ESCO2: variants seen among roughly 807,000 people sequenced by gnomAD.
ESCO2 encodes establishment of sister chromatid cohesion N-acetyltransferase 2.
Under a neutral mutation model 61.7 loss-of-function variants are expected in ESCO2, and 51 were observed. That is an observed-to-expected ratio of 0.83 (90% CI 0.66 to 1.04). ESCO2 has a LOEUF of 1.04. Among genes scored for constraint, ESCO2 ranks in the 50% least tolerant of loss-of-function variants. ESCO2 has a pLI of 0.00. For missense variants in ESCO2, 692 were observed against 686.2 expected (o/e 1.01, Z -0.09); for synonymous variants, 230 against 238.2 (o/e 0.97, Z 0.32).
chr8:27,794,935 T>A (rs1016203393), intron 9 of ESCO2, among the ~76,000 whole-genome samples: 10 of 152,202 alleles, frequency 6.6e-5, no homozygotes, highest in African/African-American at 2.4e-4. Context: ...GCTGCTGTGT[T>A]TTTTAATGCC....
intron 10 of ESCO2, among the ~76,000 whole-genome samples, chr8:27,800,027 A>G (rs992027965): frequency 2.1e-4 from 32 of 152,142 alleles, no homozygotes; most frequent in Non-Finnish European, 4.4e-5. Flanking sequence ...AGAAAAAACA[A>G]AACTACAATC....
At chr8:27,772,484 G>A, upstream of ESCO2, 1 of 1,549,134 alleles carries the variant, frequency 6.5e-7, no homozygotes, top group African/African-American at 1.4e-5. Flanking sequence ...CTGTCCAGCA[G>A]GGTCCAGGAG....
intron 7 of ESCO2, 68 bp downstream of exon 7, chr8:27,789,046 A>G: frequency 1.9e-6 from 3 of 1,588,382 alleles, no homozygotes; most frequent in East Asian, 2.3e-5. Flanking sequence ...CTTTTCCACC[A>G]CCTCTACCAC....
intron 2 of ESCO2, 144 bp from the exon 3 acceptor site, chr8:27,776,218 C>T: frequency 1.5e-6 from 1 of 647,254 alleles, no homozygotes; most frequent in South Asian, 2.0e-5. Context: ...GAGAATCCTA[C>T]TGTTAAACTA....
intron 10 of ESCO2, among the ~76,000 whole-genome samples, chr8:27,800,718 A>T (rs1447427412): frequency 6.6e-6 from 1 of 152,274 alleles, no homozygotes; most frequent in Non-Finnish European, 1.5e-5. Flanking sequence ...ATTAATGGAT[A>T]AATGTGATAT....
Position 27,776,535 on chromosome 8 carries a change from C to T in ESCO2, c.227C>T (p.Pro76Leu). Residue 76 changes from proline to leucine, a missense_variant, in exon 3 of 11, where the codon CCA (proline) becomes CTA (leucine). By Grantham distance (98) the Pro-to-Leu change is moderately conservative. Coordinates refer to ENST00000305188, the MANE Select transcript of ESCO2 (RefSeq NM_001017420.3). ...NRLPSANQGSPFKSALSTVSF... is the reference protein window; with the variant it reads ...NRLPSANQGSLFKSALSTVSF... ...CTGCCATCAGCAAATCAAGGCTCAC[C>T]ATTTAAATCTGCGCTCTCCACTGTA... is the stretch of plus-strand genomic sequence containing the variant. The T allele has an allele frequency of 1.2e-6, 2 of 1,614,094 alleles. No homozygotes were observed. Among genetic ancestry groups the T allele is most frequent in the Non-Finnish European group, 1.7e-6 (2 of 1,180,010 alleles).
intron 9 of ESCO2, 60 bp from the exon 10 acceptor site, chr8:27,799,481 T>G (rs1805375281): frequency 6.4e-7 from 1 of 1,563,622 alleles, no homozygotes; most frequent in South Asian, 1.1e-5. Context: ...GAATTTTTTT[T>G]TAAAGCAGTG....
chr8:27,786,081 G>A (rs75891745), intron 5 of ESCO2, among the ~76,000 whole-genome samples: 24 of 152,276 alleles, frequency 1.6e-4, no homozygotes, highest in South Asian at 8.3e-4. Context: ...GCTGCATAAG[G>A]TGAAAAGGGT....
intron 3 of ESCO2, chr8:27,777,479 TG>T (rs1804822390): frequency 4.6e-6 from 1 of 215,962 alleles, no homozygotes; most frequent in African/African-American, 2.4e-5. Flanking sequence ...TTGCATTTTT[TG>T]TAGAGGCTGG....
intron 5 of ESCO2, 69 bp from the exon 6 acceptor site, chr8:27,787,816 T>C (rs1160678133): frequency 8.3e-7 from 1 of 1,209,972 alleles, no homozygotes; most frequent in African/African-American, 1.5e-5. Context: ...CTCTGATAAA[T>C]GGCTGCTTTC....
At chr8:27,772,413 AG>A, upstream of ESCO2, 2 of 1,202,614 alleles carry the variant, frequency 1.7e-6, no homozygotes, top group Non-Finnish European at 2.4e-6. Flanking sequence ...CGCATCCAGA[AG>A]GCATTTTAGA....
downstream of ESCO2, among the ~76,000 whole-genome samples, chr8:27,811,653 T>G (rs1028823393): frequency 1.7e-4 from 26 of 152,186 alleles, no homozygotes; most frequent in African/African-American, 5.8e-4. Context: ...CCATTTAAAC[T>G]TGAGTCAACT....
At chr8:27,802,778 A>T (rs1805478578) in intron 10 of ESCO2, among the ~76,000 whole-genome samples, 1 of 136,684 alleles carries the variant, frequency 7.3e-6, no homozygotes, top group Non-Finnish European at 1.5e-5. Flanking sequence ...TTGGAGTCTC[A>T]CTCTGTTACC....
chr8:27,772,197 G>A, upstream of ESCO2: 1 of 506,888 alleles, frequency 2.0e-6, no homozygotes, highest in Non-Finnish European at 3.5e-6. Context: ...GATAAGGTGT[G>A]TGGAGGAGCC....
At chr8:27,772,628 G>T (rs1255322536), upstream of ESCO2, 47 of 1,391,580 alleles carry the variant, frequency 3.4e-5, no homozygotes, top group Admixed American at 3.3e-4. Context: ...GCGGCCGCCT[G>T]GCCCCCGGAA....
In ESCO2 at chr8:27,803,703, A is replaced by C. The variant is rs1805505627; in HGVS notation, c.*265A>C. Reference sequence around the variant, plus strand: ...AGCACTCTGAATGTTTAATTATGAAACTTTGTAGCTATAACTGGAAAATTA... The same window carrying C: ...AGCACTCTGAATGTTTAATTATGAACCTTTGTAGCTATAACTGGAAAATTA... On this transcript the variant is annotated 3_prime_UTR_variant, in exon 11 of 11. Transcript: ENST00000305188. 2.5e-6 allele frequency: 3 copies of C among 1,221,418 alleles called. No homozygotes were observed. The highest frequency in any genetic ancestry group is 3.1e-5 in the African/African-American group (2 of 63,754). The allele number at this position is 1,221,418 out of a possible 1,614,324, so 75.7% of individuals were successfully genotyped here. A position where few individuals can be genotyped will look rare whatever the true frequency, so the allele number is the denominator to read the frequency against.
downstream of ESCO2, chr8:27,810,461 G>A (rs1181790703): frequency 6.2e-7 from 1 of 1,606,286 alleles, no homozygotes; most frequent in South Asian, 1.1e-5. Flanking sequence ...ACGCTGCATA[G>A]TATGCTTCAT....
At chr8:27,812,447 A>G (rs970887182), downstream of ESCO2, 3 of 152,182 alleles carry the variant, frequency 2.0e-5, no homozygotes, top group Admixed American at 6.5e-5. Flanking sequence ...ACCAAAAGCA[A>G]TGGCAGCAAA....
chr8:27,778,176 CTGAG>C (rs1804842206), intron 3 of ESCO2: 1 of 152,224 alleles, frequency 6.6e-6, no homozygotes, highest in Non-Finnish European at 1.5e-5. Context: ...GAATATCAGG[CTGAG>C]TATCATACCA....
Sources: gnomAD v4.1 joint callset for allele counts (sites outside exome capture counted in the v4.1 genomes callset) on GRCh38, gnomAD v4.1.1 for gene constraint, MANE v1.5 for transcripts, NCBI Gene and HGNC (gene_info 2026-07-23, HGNC 2026-07-21) for gene names.